CEP131: variants seen among roughly 807,000 people sequenced by gnomAD.
CEP131 encodes centrosomal protein 131.
CEP131 carries 99 observed loss-of-function variants against 136.8 expected under a neutral mutation model. The ratio of observed to expected loss-of-function variants is 0.72; its 90% confidence interval spans 0.62 to 0.86. CEP131 has a LOEUF of 0.86. Among genes scored for constraint, CEP131 ranks in the 40% least tolerant of loss-of-function variants. The pLI is 0.00. For synonymous variants in CEP131, 646 were observed against 612.7 expected (o/e 1.05, Z -0.80); for missense variants, 1,459 against 1,463.0 (o/e 1.00, Z 0.04).
chr17:81,209,111 AGAG>A, intron 2 of CEP131, 89 bp from the exon 3 acceptor site: 4 of 968,638 alleles, frequency 4.1e-6, no homozygotes, highest in East Asian at 2.6e-5. Context: ...AAACGCAGTC[AGAG>A]AACAGAGGGG....
chr17:81,207,764 T>A (rs895380420), intron 3 of CEP131, among the ~76,000 whole-genome samples: 1 of 151,584 alleles, frequency 6.6e-6, no homozygotes, highest in African/African-American at 2.4e-5. Flanking sequence ...CTGGAAGGCA[T>A]GGGCTGGTGG....
At chr17:81,198,801 C>T in intron 11 of CEP131, 76 bp downstream of exon 11, 1 of 1,437,224 alleles carries the variant, frequency 7.0e-7, no homozygotes, top group Non-Finnish European at 9.6e-7. Flanking sequence ...AGAAGCTCAG[C>T]TCAGGACACC....
intron 2 of CEP131, among the ~76,000 whole-genome samples, chr17:81,210,539 C>T (rs2062109581): frequency 6.6e-6 from 1 of 152,088 alleles, no homozygotes. Flanking sequence ...CACGGCACTC[C>T]AGCCTGGAGA....
chr17:81,198,593 C>T (rs935282646), intron 11 of CEP131, among the ~76,000 whole-genome samples: 1 of 152,216 alleles, frequency 6.6e-6, no homozygotes, highest in African/African-American at 2.4e-5. Flanking sequence ...TGTCAGGTCA[C>T]CCCTCAGAGC....
chr17:81,217,995 T>G (rs1241093602), intron 2 of CEP131, among the ~76,000 whole-genome samples: 2 of 151,940 alleles, frequency 1.3e-5, no homozygotes, highest in Non-Finnish European at 2.9e-5. Flanking sequence ...ATTTCTTTCT[T>G]TCTCCTTCTC....
chr17:81,216,969 T>C (rs2062260323), intron 2 of CEP131, among the ~76,000 whole-genome samples: 2 of 152,176 alleles, frequency 1.3e-5, no homozygotes, highest in African/African-American at 4.8e-5. Context: ...CATGCTCAGA[T>C]GGTAAATCAA....
intron 24 of CEP131, 137 bp downstream of exon 24, chr17:81,190,502 A>G: frequency 1.7e-6 from 2 of 1,151,742 alleles, no homozygotes; most frequent in South Asian, 3.4e-5. Flanking sequence ...AACCCACACC[A>G]GCCTCTGTCT....
In CEP131 at chr17:81,207,116, C is replaced by G. The variant is rs1220643710; in HGVS notation, c.387+9G>C. ...AGACCAGGACGTGGGGCCGCATGCA[C>G]CACCTTACCAGGACGTTCCAGGTGG... On this transcript the variant is annotated intron_variant, in intron 4 of 25. Transcript: ENST00000450824. The G allele has an allele frequency of 1.2e-6, 2 of 1,608,380 alleles. No homozygotes were observed. The highest frequency in any genetic ancestry group is 2.2e-5 in the South Asian group (2 of 90,602).
Position 81,219,773 on chromosome 17 carries a change from A to G in CEP131, c.177+107T>C. 1.6e-6 allele frequency: 2 copies of G among 1,230,388 alleles called. No homozygotes were observed. Among genetic ancestry groups the G allele is most frequent in the South Asian group, 3.5e-5 (2 of 57,084 alleles). 76.2% of individuals were successfully genotyped at this position (1,230,388 alleles called of 1,614,324 possible). On this transcript the variant is annotated intron_variant, in intron 2 of 25. Coordinates refer to ENST00000450824, the MANE Select transcript of CEP131 (RefSeq NM_014984.4). The surrounding 1 kb of genome is among the most constrained non-coding windows in gnomAD (Gnocchi z 4.0). ...AGCCACGAGGATCCAGCATGTCCAG[A>G]TGTGAGGCACTTGTTCACCTGTGGA...
At chr17:81,218,008 T>C (rs1000746979) in intron 2 of CEP131, among the ~76,000 whole-genome samples, 1 of 151,180 alleles carries the variant, frequency 6.6e-6, no homozygotes, top group African/African-American at 2.4e-5. Flanking sequence ...TCCTTCTCCC[T>C]CTCCCTCTCC....
rs2062329616 is a variant in CEP131 at position 81,219,279 on chromosome 17, G to A, written c.177+601C>T. 6.8e-6 allele frequency among the ~76,000 whole-genome samples: 1 copy of A among 146,164 alleles called. No homozygotes were observed. Among genetic ancestry groups the A allele is most frequent in the South Asian group, 2.2e-4 (1 of 4,630 alleles). ...AGGAGCTCATCACCCCTCCCCACAGGTCAACCCCATTTCTTTCTTTTTTTT... is the reference window on the plus strand; with the variant it reads ...AGGAGCTCATCACCCCTCCCCACAGATCAACCCCATTTCTTTCTTTTTTTT... On this transcript the variant is annotated intron_variant, in intron 2 of 25. Transcript: ENST00000450824. The surrounding 1 kb of genome is among the most constrained non-coding windows in gnomAD (Gnocchi z 4.0).
intron 1 of CEP131, 135 bp downstream of exon 1, chr17:81,222,634 C>G (rs2062413423): frequency 6.6e-6 from 1 of 151,824 alleles, no homozygotes; most frequent in South Asian, 2.1e-4. Context: ...GGCACCAGAT[C>G]CCCCCACTCA....
In CEP131 at chr17:81,198,153, T is replaced by C. The variant is rs1224236423; in HGVS notation, c.1432A>G (p.Arg478Gly). The C allele has an allele frequency of 5.1e-6, 8 of 1,575,320 alleles. No homozygotes were observed. The highest frequency in any genetic ancestry group is 5.2e-6 in the Non-Finnish European group (6 of 1,160,786). Residue 478 changes from arginine (R) to glycine (G), a missense_variant, in exon 12 of 26, where the codon AGG becomes GGG. By Grantham distance (125) the Arg-to-Gly change is moderately radical. Coordinates refer to ENST00000450824, the MANE Select transcript of CEP131 (RefSeq NM_014984.4). ...GCGTATCTGCCCCTGTGATGGGTCC[T>C]GGGGCGGGGCAGCACGTCCGGCTCC... ...EKEPDVLPRP[R>G]THHRGRYAWA...
At chr17:81,211,575 C>A (rs771841115) in intron 2 of CEP131, among the ~76,000 whole-genome samples, 3 of 152,216 alleles carry the variant, frequency 2.0e-5, no homozygotes, top group Admixed American at 2.0e-4. Context: ...GGGAGGCAGA[C>A]GCCAAGTCCC....
intron 3 of CEP131, 97 bp from the exon 4 acceptor site, chr17:81,207,336 G>T: frequency 2.9e-6 from 3 of 1,018,668 alleles, no homozygotes; most frequent in Non-Finnish European, 2.9e-6. Context: ...GGACAGAGGG[G>T]CTGAGGCACT....
rs547857894 is a variant in CEP131, at chr17:81,195,085, C to T, written c.2017-113G>A. 9 of 787,244 alleles carry T rather than the reference C, an allele frequency of 1.1e-5. No homozygotes were observed. In the East Asian group the frequency reaches 2.0e-4, roughly 18 times the overall value. 48.8% of individuals were successfully genotyped at this position (787,244 alleles called of 1,614,324 possible). A position where few individuals can be genotyped will look rare whatever the true frequency, so the allele number is the denominator to read the frequency against. ...CAGGTCCACCAGCACAAGGCCGGCA[C>T]TCATGGTTGGGTGTGCTGCCCCGAG... On this transcript the variant is annotated intron_variant, in intron 16 of 25. Transcript: ENST00000450824.
chr17:81,199,700 G>T lies in CEP131; in HGVS notation c.1023+19C>A. ...GCCTGGGCCACGGTGCTGCTCAGTG[G>T]TCCCTGCGCGGTCAGCACCTGAATG... On this transcript the variant is annotated intron_variant, in intron 9 of 25. Transcript: ENST00000450824. The T allele has an allele frequency of 6.2e-7, 1 of 1,605,716 alleles. No individual in the cohort carries two copies. Among genetic ancestry groups the T allele is most frequent in the Non-Finnish European group, 8.5e-7 (1 of 1,178,990 alleles).
In CEP131 at chr17:81,189,675, G is replaced by T. The variant is rs539220992; in HGVS notation, c.*94C>A. On this transcript the variant is annotated 3_prime_UTR_variant, in exon 26 of 26. Transcript: ENST00000450824. ...GGGCATCTCAACCACCAGCCTCTGT[G>T]GGGGGCAGGTGGGCGTCCCTGTGGG... 13 of 1,302,330 alleles carry T rather than the reference G, an allele frequency of 1.0e-5. No individual in the cohort carries two copies. The highest frequency in any genetic ancestry group is 4.8e-5 in the East Asian group (2 of 41,516). 80.7% of individuals were successfully genotyped at this position (1,302,330 alleles called of 1,614,324 possible).
intron 18 of CEP131, among the ~76,000 whole-genome samples, chr17:81,193,288 G>A (rs559530634): frequency 5.1e-4 from 78 of 152,318 alleles, no homozygotes; most frequent in African/African-American, 1.8e-3. Context: ...CCAGGGCCTC[G>A]TCCTGACCCC....
Sources: gnomAD v4.1 joint callset for allele counts (sites outside exome capture counted in the v4.1 genomes callset) on GRCh38, gnomAD v4.1.1 for gene constraint, Gnocchi (gnomAD v3.1) non-coding constraint, MANE v1.5 for transcripts, NCBI Gene and HGNC (gene_info 2026-07-23, HGNC 2026-07-21) for gene names.